NUP62CL: variants seen among roughly 807,000 people sequenced by gnomAD.
NUP62CL encodes the protein nucleoporin 62 C-terminal like, also known as nucleoporin-62 C-terminal-like protein.
NUP62CL carries 13 observed loss-of-function variants against 15.3 expected under a neutral mutation model. The observed-to-expected ratio is 0.85, with a 90% CI of 0.55 to 1.35. The LOEUF (loss-of-function observed/expected upper bound fraction) is 1.35, where lower values mean the gene tolerates loss of function less well. NUP62CL is among the 40% of genes most tolerant of loss of function. The pLI is 0.00. For missense variants in NUP62CL, 123 were observed against 130.6 expected (o/e 0.94, Z 0.28); for synonymous variants, 54 against 49.2 (o/e 1.10, Z -0.41).
At chrX:107,196,514 C>T (rs1244430196) in intron 1 of NUP62CL, among the ~76,000 whole-genome samples, 1 of 112,227 alleles carries the variant, frequency 8.9e-6, no homozygotes, top group African/African-American at 3.2e-5. Context: ...TCACTGCAAC[C>T]TCCTGCAACC....
At chrX:107,163,699 G>C (rs903145521) in intron 4 of NUP62CL, among the ~76,000 whole-genome samples, 3 of 111,516 alleles carry the variant, frequency 2.7e-5, no homozygotes, top group Non-Finnish European at 5.7e-5. Flanking sequence ...TTTTTAAAAA[G>C]AAATGGCTAT....
chrX:107,167,432 T>C (rs1236088948), intron 4 of NUP62CL, among the ~76,000 whole-genome samples: 1 of 112,062 alleles, frequency 8.9e-6, no homozygotes, highest in Non-Finnish European at 1.9e-5. Flanking sequence ...TAGCTATTAT[T>C]AGTAATAGTA....
chrX:107,161,046 G>T (rs1926353392), intron 4 of NUP62CL, among the ~76,000 whole-genome samples: 1 of 111,421 alleles, frequency 9.0e-6, no homozygotes, highest in South Asian at 3.8e-4. Context: ...CATCATCACT[G>T]GCCATCAGAG....
At chrX:107,202,090 T>C (rs1463150730) in intron 1 of NUP62CL, among the ~76,000 whole-genome samples, 2 of 112,036 alleles carry the variant, frequency 1.8e-5, no homozygotes, top group South Asian at 3.7e-4. Context: ...TGGAAAAGTA[T>C]CTCTGGGATG....
chrX:107,149,375 A>T (rs1925957295), intron 7 of NUP62CL, among the ~76,000 whole-genome samples: 2 of 112,587 alleles, frequency 1.8e-5, no homozygotes, highest in Non-Finnish European at 3.8e-5. Flanking sequence ...TGTATTTTGT[A>T]AACTCTTGAT....
intron 7 of NUP62CL, chrX:107,150,941 G>A (rs1925994844): frequency 2.9e-6 from 1 of 341,210 alleles, no homozygotes; most frequent in Non-Finnish European, 5.9e-6. Flanking sequence ...TTTCAGCTGA[G>A]CATCTATACT....
chrX:107,186,607 A>G (rs745566315), intron 2 of NUP62CL, among the ~76,000 whole-genome samples: 1 of 111,953 alleles, frequency 8.9e-6, no homozygotes, highest in Non-Finnish European at 1.9e-5. Context: ...AAAAATACAC[A>G]TACTTTTCGA....
At chrX:107,154,636 T>A (rs73517355) in intron 4 of NUP62CL, among the ~76,000 whole-genome samples, 1,902 of 111,153 alleles carry the variant, frequency 0.017, 43 homozygotes, top group African/African-American at 0.059. Flanking sequence ...AGTGACCCAT[T>A]CCCTGTTTGA....
At chrX:107,126,962 A>T in intron 8 of NUP62CL, among the ~76,000 whole-genome samples, 1 of 110,407 alleles carries the variant, frequency 9.1e-6, no homozygotes, top group Non-Finnish European at 1.9e-5. Context: ...TGAACCCAGG[A>T]GGTGGAGGTT....
chrX:107,134,642 C>T (rs1394176751), intron 8 of NUP62CL, among the ~76,000 whole-genome samples: 19 of 109,713 alleles, frequency 1.7e-4, no homozygotes, highest in Admixed American at 1.3e-3. Context: ...TTTGTAGAGA[C>T]GGGGTTTTGT....
At chrX:107,140,726 G>A (rs1296126111) in intron 8 of NUP62CL, among the ~76,000 whole-genome samples, 1 of 112,137 alleles carries the variant, frequency 8.9e-6, no homozygotes, top group Non-Finnish European at 1.9e-5. Context: ...ATTATGCTGA[G>A]CTAATAACTG....
rs373308527 is a variant in NUP62CL at position 107,153,500 on chromosome X, G to A, written c.349C>T (p.Arg117Cys). The change falls in exon 6 of 9, where the codon CGT becomes TGT. Residue 117 changes from arginine (R) to cysteine (C), a missense_variant. Physicochemically the swap from Arg to Cys is radical, Grantham distance 180. Transcript: ENST00000372466. The part of the protein sequence containing the change: ...HTLIENGEMI[R>C]ILHGEVNKVK... ...TTGTTCACTTCTCCATGTAAAATAC[G>A]AATCTATAAAGAGAAATATGAATAC... 10 of 1,098,615 alleles carry A rather than the reference G, an allele frequency of 9.1e-6. No homozygotes were observed. Among genetic ancestry groups the A allele is most frequent in the Non-Finnish European group, 1.1e-5 (9 of 818,121 alleles). 90.5% of individuals were successfully genotyped at this position (1,098,615 alleles called of 1,213,427 possible).
intron 1 of NUP62CL, chrX:107,202,428 C>T (rs1297170735): frequency 9.0e-6 from 1 of 111,001 alleles, no homozygotes; most frequent in Non-Finnish European, 1.9e-5. Context: ...AATTAATACA[C>T]ACTCATATAA....
At chrX:107,198,259 CAATCAGCACTCTGTAAAAACGGACG>C (rs1462294342) in intron 1 of NUP62CL, among the ~76,000 whole-genome samples, 1 of 111,894 alleles carries the variant, frequency 8.9e-6, no homozygotes, top group Non-Finnish European at 1.9e-5. Context: ...GTAAATGCAC[CAATCAGCACTCTGTAAAAACGGACG>C]AATCAGCACT....
intron 8 of NUP62CL, among the ~76,000 whole-genome samples, chrX:107,147,494 C>A (rs1364634010): frequency 3.6e-5 from 4 of 111,566 alleles, no homozygotes; most frequent in Non-Finnish European, 7.5e-5. Context: ...AGTCTTGCTT[C>A]TATCCCAATT....
At chrX:107,169,819 T>A (rs1285576) in intron 3 of NUP62CL, among the ~76,000 whole-genome samples, 38,017 of 108,590 alleles carry the variant, frequency 0.35, 7,200 homozygotes, top group African/African-American at 0.71. Context: ...ATTTTTTTTT[T>A]AAAAAAATGA....
chrX:107,153,239 C>T lies in NUP62CL; in HGVS notation c.463G>A (p.Glu155Lys). 1 of 1,207,294 alleles carries T rather than the reference C, an allele frequency of 8.3e-7. No individual in the cohort carries two copies. The highest frequency in any genetic ancestry group is 1.7e-5 in the African/African-American group (1 of 57,707). Reference sequence around the variant, plus strand: ...CCACTCTGGTCACGCGTAGACTCCTCTAAATAAGTCAACAGAAATTCTAGT... The same window carrying T: ...CCACTCTGGTCACGCGTAGACTCCTTTAAATAAGTCAACAGAAATTCTAGT... Reference protein sequence around the residue: ...QELEFLLTYLEESTRDQSGLH... With the variant: ...QELEFLLTYLKESTRDQSGLH... Residue 155 changes from glutamate to lysine, a missense_variant, in exon 7 of 9, where the codon GAG (glutamate) becomes AAG (lysine). Coordinates refer to ENST00000372466, the MANE Select transcript of NUP62CL (RefSeq NM_017681.3).
chrX:107,174,895 G>A (rs1420256263), intron 3 of NUP62CL, among the ~76,000 whole-genome samples, 194 bp downstream of exon 3: 2 of 112,009 alleles, frequency 1.8e-5, no homozygotes, highest in Non-Finnish European at 3.8e-5. Context: ...TAATAACCAT[G>A]TTAATATAAA....
chrX:107,205,007 G>C (rs1927639201), intron 1 of NUP62CL, among the ~76,000 whole-genome samples: 1 of 108,047 alleles, frequency 9.3e-6, no homozygotes, highest in Non-Finnish European at 1.9e-5. Context: ...AAAGGTCTAG[G>C]GACAAATCAT....
Sources: gnomAD v4.1 joint callset for allele counts (sites outside exome capture counted in the v4.1 genomes callset) on GRCh38, gnomAD v4.1.1 for gene constraint, MANE v1.5 for transcripts, NCBI Gene and HGNC (gene_info 2026-07-23, HGNC 2026-07-21) for gene names.